The following PADI3 variants were observed in gnomAD, a reference collection of about 807,000 sequenced individuals.
PADI3 encodes protein-arginine deiminase type-3.
Under a neutral mutation model 71.5 loss-of-function variants are expected in PADI3, and 53 were observed. The ratio of observed to expected loss-of-function variants is 0.74; its 90% CI spans 0.59 to 0.93. The LOEUF (loss-of-function observed/expected upper bound fraction) is 0.93, where lower values mean the gene tolerates loss of function less well. Among genes scored for constraint, PADI3 ranks in the 40% least tolerant of loss-of-function variants. The pLI, the probability that PADI3 is intolerant of heterozygous loss-of-function variation, is 0.00. For synonymous variants in PADI3, 361 were observed against 347.5 expected, an observed-to-expected ratio of 1.04 and a Z score of -0.43; for missense variants, 821 against 868.0, an observed-to-expected ratio of 0.95 and a Z score of 0.68.
At chr1:17,282,416 T>C (rs1458892886) in intron 15 of PADI3, among the ~76,000 whole-genome samples, 2 of 152,178 alleles carry the variant, frequency 1.3e-5, no homozygotes, top group African/African-American at 4.8e-5. Context: ...AAGATGAGTA[T>C]GGCCATGCAC....
At chr1:17,255,361 G>C (rs112165415) in intron 1 of PADI3, among the ~76,000 whole-genome samples, 6 of 152,210 alleles carry the variant, frequency 3.9e-5, no homozygotes, top group African/African-American at 1.4e-4. Flanking sequence ...GGCTTGGGGG[G>C]TGTGGGGCTG....
intron 13 of PADI3, among the ~76,000 whole-genome samples, chr1:17,278,849 T>C (rs2073366638): frequency 6.6e-6 from 1 of 152,144 alleles, no homozygotes; most frequent in Admixed American, 6.6e-5. Flanking sequence ...CGCCCCCAAG[T>C]ATAATAATTT....
chr1:17,253,016 G>T (rs563131905), intron 1 of PADI3, among the ~76,000 whole-genome samples: 1 of 152,354 alleles, frequency 6.6e-6, no homozygotes, highest in East Asian at 1.9e-4. Flanking sequence ...GGAAACTGAG[G>T]CCTGGAGTGT....
intron 4 of PADI3, among the ~76,000 whole-genome samples, chr1:17,266,137 T>A (rs1355798404): frequency 1.3e-5 from 2 of 152,232 alleles, no homozygotes; most frequent in African/African-American, 4.8e-5. Context: ...AATAAAACTT[T>A]ATTTATACAA....
In PADI3 at chr1:17,276,846, G is replaced by C; in HGVS notation, c.1525G>C (p.Gly509Arg). The C allele has an allele frequency of 6.2e-7, 1 of 1,613,272 alleles. No individual in the cohort carries two copies. Among genetic ancestry groups the C allele is most frequent in the South Asian group, 1.1e-5 (1 of 90,848 alleles). ...CCAGGAAAAGCAGAAGTGTGGCCAC[G>C]GGAGGGCCCTCCTGTTCCAGGGGGT... ...LFQEKQKCGH[G>R]RALLFQGVVD... Residue 509 changes from glycine (G) to arginine (R), a missense_variant, in exon 13 of 16, where the codon GGG (glycine) becomes CGG (arginine). Coordinates refer to ENST00000375460, the MANE Select transcript of PADI3 (RefSeq NM_016233.2).
chr1:17,253,422 A>G (rs1343977868), intron 1 of PADI3, among the ~76,000 whole-genome samples: 1 of 152,224 alleles, frequency 6.6e-6, no homozygotes, highest in Admixed American at 6.5e-5. Context: ...CTCGCACCTC[A>G]GAATGACCTC....
chr1:17,249,939 G>T (rs533848069), intron 1 of PADI3, among the ~76,000 whole-genome samples: 3 of 152,312 alleles, frequency 2.0e-5, no homozygotes, highest in Admixed American at 6.5e-5. Context: ...GGAAAATAAA[G>T]ATTTCCAACC....
intron 13 of PADI3, among the ~76,000 whole-genome samples, chr1:17,278,281 G>A (rs1292817727): frequency 2.0e-5 from 3 of 152,190 alleles, no homozygotes; most frequent in African/African-American, 4.8e-5. Flanking sequence ...AGGCTGGAGT[G>A]CAGTGACATG....
At chr1:17,265,864 T>A (rs2073161656) in intron 4 of PADI3, 144 bp downstream of exon 4, 2 of 686,692 alleles carry the variant, frequency 2.9e-6, no homozygotes, top group African/African-American at 1.8e-5. Flanking sequence ...AAACCAGGCA[T>A]GGCTGGGGAT....
At chr1:17,252,804 C>G (rs12065629) in intron 1 of PADI3, among the ~76,000 whole-genome samples, 193 of 152,352 alleles carry the variant, frequency 1.3e-3, no homozygotes, top group African/African-American at 4.5e-3. Flanking sequence ...TAAGAACAGA[C>G]TGGACCCATT....
Position 17,283,135 on chromosome 1 carries a change from G to A in PADI3, c.*56G>A. ...GGGGCGGGCATTGGCCCAGGTGGTG[G>A]AGACAGAGACAGGCCCCTGAACGAT... On this transcript the variant is annotated 3_prime_UTR_variant, in exon 16 of 16. Transcript: ENST00000375460. 1 of 1,324,904 alleles carries A rather than the reference G, an allele frequency of 7.5e-7. No homozygotes were observed. The highest frequency in any genetic ancestry group is 1.2e-5 in the South Asian group (1 of 81,250). 82.1% of individuals were successfully genotyped at this position (1,324,904 alleles called of 1,614,324 possible).
intron 1 of PADI3, among the ~76,000 whole-genome samples, chr1:17,252,647 G>A (rs1043697263): frequency 5.9e-5 from 9 of 152,156 alleles, no homozygotes; most frequent in Admixed American, 4.6e-4. Flanking sequence ...CAAGTGATCT[G>A]CCTGCCTGAG....
intron 1 of PADI3, among the ~76,000 whole-genome samples, chr1:17,258,154 ACAG>A (rs2100562042): frequency 6.6e-6 from 1 of 152,326 alleles, no homozygotes; most frequent in East Asian, 1.9e-4. Flanking sequence ...GGGCTGGCAC[ACAG>A]CATGAGCTCA....
intron 1 of PADI3, among the ~76,000 whole-genome samples, chr1:17,252,253 C>T (rs1266902747): frequency 6.6e-6 from 1 of 152,092 alleles, no homozygotes; most frequent in African/African-American, 2.4e-5. Flanking sequence ...TCCCACAGGG[C>T]TATAGGGCTT....
intron 11 of PADI3, among the ~76,000 whole-genome samples, chr1:17,275,791 A>G (rs1194265788): frequency 6.6e-6 from 1 of 152,240 alleles, no homozygotes; most frequent in Non-Finnish European, 1.5e-5. Context: ...TCCAGAGTCA[A>G]GCTTTGGAAG....
In PADI3 at chr1:17,280,653, G is replaced by T. The variant is rs1405282105; in HGVS notation, c.1636-18G>T. 1 of 1,614,006 alleles carries T rather than the reference G, an allele frequency of 6.2e-7. No individual in the cohort carries two copies. Among genetic ancestry groups the T allele is most frequent in the Admixed American group, 1.7e-5 (1 of 59,996 alleles). ...CACTGGCAAGGTGTCCCCAACTCTGGCCCTCCCCTGCCCCCAGAGCTGCAT... is the reference window on the plus strand; with the variant it reads ...CACTGGCAAGGTGTCCCCAACTCTGTCCCTCCCCTGCCCCCAGAGCTGCAT... On this transcript the variant is annotated intron_variant, in intron 14 of 15. Coordinates refer to ENST00000375460, the MANE Select transcript of PADI3 (RefSeq NM_016233.2).
chr1:17,253,434 A>C (rs757844482), intron 1 of PADI3, among the ~76,000 whole-genome samples: 72 of 152,208 alleles, frequency 4.7e-4, no homozygotes, highest in Non-Finnish European at 8.7e-4. Context: ...AATGACCTCA[A>C]GTAACAGCAC....
rs765248874 is a variant in PADI3, at chr1:17,280,732, T to C, written c.1697T>C (p.Ile566Thr). ...KRELGLAECDIIDIPQLFKTE... is the reference protein window; with the variant it reads ...KRELGLAECDTIDIPQLFKTE... ...GAGCTGGGCCTGGCAGAGTGTGACA[T>C]CATTGACATCCCACAGCTCTTCAAG... Residue 566 changes from isoleucine to threonine, a missense_variant, in exon 15 of 16, where the codon ATC becomes ACC. Ile to Thr is a moderately conservative substitution (Grantham distance 89). Coordinates refer to ENST00000375460, the MANE Select transcript of PADI3 (RefSeq NM_016233.2). The C allele has an allele frequency of 6.2e-7, 1 of 1,614,058 alleles. No homozygotes were observed. Among genetic ancestry groups the C allele is most frequent in the Non-Finnish European group, 8.5e-7 (1 of 1,180,012 alleles).
At chr1:17,264,602 G>A (rs1216979960) in intron 3 of PADI3, among the ~76,000 whole-genome samples, 1 of 152,152 alleles carries the variant, frequency 6.6e-6, no homozygotes, top group Non-Finnish European at 1.5e-5. Context: ...CTGATTTTCT[G>A]TGGATGCAGT....
Sources: gnomAD v4.1 joint callset for allele counts (sites outside exome capture counted in the v4.1 genomes callset) on GRCh38, gnomAD v4.1.1 for gene constraint, MANE v1.5 for transcripts, NCBI Gene and HGNC (gene_info 2026-07-23, HGNC 2026-07-21) for gene names.